Variants in SF1 observed in about 807,000 individuals in gnomAD.
SF1 encodes branch point-binding protein.
SF1 carries 7 observed loss-of-function variants against 62.5 expected under a neutral mutation model. That is an observed-to-expected ratio of 0.11 (90% confidence interval 0.06 to 0.21). The LOEUF (loss-of-function observed/expected upper bound fraction) is 0.21, where lower values mean the gene tolerates loss of function less well. Among genes scored for constraint, SF1 ranks in the 10% least tolerant of loss-of-function variants. The pLI is 1.00. For synonymous variants in SF1, 394 were observed against 323.6 expected (o/e 1.22, Z -2.33); for missense variants, 578 against 884.0 (o/e 0.65, Z 4.39).
intron 1 of SF1, chr11:64,777,733 C>A (rs1939556473): frequency 2.0e-6 from 2 of 985,558 alleles, no homozygotes; most frequent in Non-Finnish European, 2.4e-6. Context: ...TACAGTTGCG[C>A]CGCACAGCCC....
chr11:64,777,726 A>C, intron 1 of SF1: 1 of 985,578 alleles, frequency 1.0e-6, no homozygotes, highest in African/African-American at 1.7e-5. Flanking sequence ...CAGTCTATAC[A>C]GTTGCGCCGC....
chr11:64,765,765 T>C lies in SF1; in HGVS notation c.*53A>G. 6.7e-7 allele frequency: 1 copy of C among 1,490,138 alleles called. No homozygotes were observed. Among genetic ancestry groups the C allele is most frequent in the Non-Finnish European group, 8.9e-7 (1 of 1,122,072 alleles). The allele number at this position is 1,490,138 out of a possible 1,614,324, so 92.3% of individuals were successfully genotyped here. A position where few individuals can be genotyped will look rare whatever the true frequency, so the allele number is the denominator to read the frequency against. ...TCCATATGGTGAGGTTCGGCGTGTTTAAACGAGACCAATTCTCTCTATATA... is the reference window on the plus strand; with the variant it reads ...TCCATATGGTGAGGTTCGGCGTGTTCAAACGAGACCAATTCTCTCTATATA... On this transcript the variant is annotated 3_prime_UTR_variant, in exon 13 of 13. Coordinates refer to ENST00000377390, the MANE Select transcript of SF1 (RefSeq NM_004630.4).
chr11:64,767,934 A>G lies in SF1; in HGVS notation c.1069-90T>C, dbSNP rs755879340. 7.2e-4 allele frequency: 1,092 copies of G among 1,524,226 alleles called. 1 individual carries two copies. The highest frequency in any genetic ancestry group is 7.2e-4 in the Non-Finnish European group (820 of 1,133,954). The allele number at this position is 1,524,226 out of a possible 1,614,324, so 94.4% of individuals were successfully genotyped here. ...GGTTATGACACAGGACCAGAACACAAGAACAAGGTCTTCCCGAAGTGAGAA... is the reference window on the plus strand; with the variant it reads ...GGTTATGACACAGGACCAGAACACAGGAACAAGGTCTTCCCGAAGTGAGAA... On this transcript the variant is annotated intron_variant, in intron 9 of 12. Transcript: ENST00000377390.
intron 12 of SF1, 39 bp downstream of exon 12, chr11:64,766,861 A>G: frequency 3.1e-5 from 5 of 158,972 alleles, no homozygotes; most frequent in Non-Finnish European, 4.9e-5. Context: ...CCCCACCCCC[A>G]TCCCACCCAC....
chr11:64,769,009 G>C lies in SF1; in HGVS notation c.887+13C>G, dbSNP rs926952283. On this transcript the variant is annotated intron_variant, in intron 8 of 12. Transcript: ENST00000377390. ...CGCAGGCTACCAGGAAACCGCAAGA[G>C]CCAGCCCCTCACCTTTGGAATTTAC... 4.4e-6 allele frequency: 7 copies of C among 1,587,722 alleles called. No homozygotes were observed. Among genetic ancestry groups the C allele is most frequent in the Non-Finnish European group, 5.2e-6 (6 of 1,156,012 alleles).
At chr11:64,770,483 C>A in intron 3 of SF1, 75 bp from the exon 4 acceptor site, 1 of 1,517,940 alleles carries the variant, frequency 6.6e-7, no homozygotes. Context: ...ACAAGTCTTT[C>A]CCAGCCCCTC....
intron 8 of SF1, among the ~76,000 whole-genome samples, 175 bp downstream of exon 8, chr11:64,768,847 G>A (rs183654019): frequency 1.3e-5 from 2 of 152,274 alleles, no homozygotes; most frequent in East Asian, 1.9e-4. Context: ...CAAACAAACA[G>A]GGGTATCTGT....
chr11:64,767,016 G>A lies in SF1; in HGVS notation c.1466C>T (p.Pro489Leu). 1 of 1,547,420 alleles carries A rather than the reference G, an allele frequency of 6.5e-7. No individual in the cohort carries two copies. The highest frequency in any genetic ancestry group is 8.7e-7 in the Non-Finnish European group (1 of 1,145,824). Residue 489 changes from proline (P) to leucine (L), a missense_variant, in exon 12 of 13, where the codon CCC becomes CTC. This residue lies in a region of SF1 where 410 missense variants were observed against 452.4 expected (regional missense o/e 0.91). Coordinates refer to ENST00000377390, the MANE Select transcript of SF1 (RefSeq NM_004630.4). Reference protein sequence around the residue: ...PPPPPPPSGQPPPPPSGPLPP... With the variant: ...PPPPPPPSGQLPPPPSGPLPP... ...AAGAGGACCAGAGGGAGGGGGTGGG[G>A]GCTGCCCACTGGGAGGCGGCGGCGG...
At position 64,767,967 on chromosome 11, in the gene SF1, A is replaced by C. The variant is rs1937627150; in HGVS notation, c.1069-123T>G. On this transcript the variant is annotated intron_variant, in intron 9 of 12. Coordinates refer to ENST00000377390, the MANE Select transcript of SF1 (RefSeq NM_004630.4). ...GTCTTCCCGAAGTGAGAAGTCCCCAAACTGGCCTGAGATCCCGGAAGAACA... is the reference window on the plus strand; with the variant it reads ...GTCTTCCCGAAGTGAGAAGTCCCCACACTGGCCTGAGATCCCGGAAGAACA... 6.8e-6 allele frequency: 10 copies of C among 1,462,384 alleles called. No homozygotes were observed. In the South Asian group the frequency reaches 1.3e-4, roughly 19 times the overall value. The allele number at this position is 1,462,384 out of a possible 1,614,324, so 90.6% of individuals were successfully genotyped here.
At chr11:64,767,364 T>TA in intron 10 of SF1, 113 bp from the exon 11 acceptor site, 1 of 1,182,642 alleles carries the variant, frequency 8.5e-7, no homozygotes, top group Non-Finnish European at 1.3e-6. Context: ...ACCATGCCTG[T>TA]AAAAGGCAGG....
intron 5 of SF1, 162 bp downstream of exon 5, chr11:64,769,802 G>A (rs1938006396): frequency 1.4e-6 from 1 of 726,298 alleles, no homozygotes; most frequent in Non-Finnish European, 2.3e-6. Context: ...CACTAGTGGG[G>A]AAGTTAAGAC....
rs1452227296 is a variant in SF1, at chr11:64,770,258, G to A, written c.387C>T (p.Tyr129=). The change falls in exon 4 of 13, where the codon TAC becomes TAT. Residue 129 remains tyrosine (Y), a splice_region_variant and synonymous_variant. Coordinates refer to ENST00000377390, the MANE Select transcript of SF1 (RefSeq NM_004630.4). The part of the protein sequence containing the change: ...LNPDFKPPAD[Y]KPPATRVSDK... Reference sequence around the variant, plus strand: ...GATGACCGAGCCCCTCCGCTTACTTGTAATCTGCAGGTGGCTTGAAATCCG... The same window carrying A: ...GATGACCGAGCCCCTCCGCTTACTTATAATCTGCAGGTGGCTTGAAATCCG... 11 of 1,612,138 alleles carry A rather than the reference G, an allele frequency of 6.8e-6. No homozygotes were observed. The highest frequency in any genetic ancestry group is 9.3e-6 in the Non-Finnish European group (11 of 1,178,634).
chr11:64,770,236 G>A lies in SF1; in HGVS notation c.389+20C>T. On this transcript the variant is annotated intron_variant, in intron 4 of 12. Coordinates refer to ENST00000377390, the MANE Select transcript of SF1 (RefSeq NM_004630.4). The stretch of plus-strand genomic sequence containing the variant: ...ATCTGCATGTGTCTTCATCCCAGAT[G>A]ACCGAGCCCCTCCGCTTACTTGTAA... 8.1e-6 allele frequency: 13 copies of A among 1,608,130 alleles called. No homozygotes were observed. Among genetic ancestry groups the A allele is most frequent in the Non-Finnish European group, 1.1e-5 (13 of 1,175,424 alleles).
chr11:64,766,877 CAA>C, intron 12 of SF1, 21 bp downstream of exon 12: 11 of 1,374,958 alleles, frequency 8.0e-6, no homozygotes, highest in Middle Eastern at 2.7e-4. Context: ...CCCACCCCCA[CAA>C]GCCCAAAATA....
At position 64,778,457 on chromosome 11, in the gene SF1, TCCCGGGGGGA is replaced by T; in HGVS notation, c.-75_-66del. 8.3e-7 allele frequency: 1 copy of T among 1,203,264 alleles called. No individual in the cohort carries two copies. The highest frequency in any genetic ancestry group is 1.0e-6 in the Non-Finnish European group (1 of 969,180). 74.5% of individuals were successfully genotyped at this position (1,203,264 alleles called of 1,614,324 possible). A position where few individuals can be genotyped will look rare whatever the true frequency, so the allele number is the denominator to read the frequency against. On this transcript the variant is annotated 5_prime_UTR_variant, in exon 1 of 13. Coordinates refer to ENST00000377390, the MANE Select transcript of SF1 (RefSeq NM_004630.4). ...TGCGGCGGCTTCTCCTTCGCAAGCC[TCCCGGGGGGA>T]GGGGACCCGAATGCGCTGCCGGAGC... is the stretch of plus-strand genomic sequence containing the variant.
chr11:64,776,179 G>A (rs990732035), intron 2 of SF1: 1 of 322,974 alleles, frequency 3.1e-6, no homozygotes, highest in Non-Finnish European at 5.9e-6. Flanking sequence ...GTCCAGAGAG[G>A]CAGATGACAC....
Position 64,773,127 on chromosome 11 carries a change from G to A in SF1, c.236+303C>T, listed in dbSNP as rs58571986. ...GCAGGTACTGAAAAGGCAGGTTAACGGGCCACCTCACTGTCCCCTAAGGGT... is the reference window on the plus strand; with the variant it reads ...GCAGGTACTGAAAAGGCAGGTTAACAGGCCACCTCACTGTCCCCTAAGGGT... On this transcript the variant is annotated intron_variant, in intron 3 of 12. Coordinates refer to ENST00000377390, the MANE Select transcript of SF1 (RefSeq NM_004630.4). 9.1e-3 allele frequency: 10,871 copies of A among 1,191,988 alleles called. 777 individuals carry two copies. The African/African-American group carries it at 0.16, about 17-fold the overall frequency. The allele number at this position is 1,191,988 out of a possible 1,614,324, so 73.8% of individuals were successfully genotyped here.
intron 1 of SF1, chr11:64,777,851 G>A (rs1358339206): frequency 4.2e-6 from 4 of 947,392 alleles, no homozygotes; most frequent in Non-Finnish European, 3.8e-6. Context: ...CGCGCCCAGG[G>A]GCGCCTCCGC....
Position 64,765,968 on chromosome 11 carries a change from A to C in SF1, c.1770T>G (p.Pro590=), listed in dbSNP as rs1460281110. 1 of 1,382,396 alleles carries C rather than the reference A, an allele frequency of 7.2e-7. No individual in the cohort carries two copies. The highest frequency in any genetic ancestry group is 3.1e-5 in the East Asian group (1 of 32,354). 85.6% of individuals were successfully genotyped at this position (1,382,396 alleles called of 1,614,324 possible). Residue 590 remains proline, a synonymous_variant, in exon 13 of 13, where the codon CCT becomes CCG. Transcript: ENST00000377390. The part of the protein sequence containing the change: ...GAPPPPPPPP[P]GSAGMMYAPP... The stretch of plus-strand genomic sequence containing the variant: ...GGGCATACATCATGCCGGCGGAACC[A>C]GGCGGTGGAGGCGGCGGAGGGGGAG...
Sources: allele counts gnomAD v4.1 joint callset (sites outside exome capture counted in the v4.1 genomes callset), GRCh38; gene constraint gnomAD v4.1.1; regional missense constraint gnomAD v4.1.1; transcripts MANE v1.5; gene names NCBI Gene and HGNC (gene_info 2026-07-23, HGNC 2026-07-21).